Variants in ZIM2 observed in about 807,000 individuals in gnomAD.
The protein encoded by ZIM2 is zinc finger protein 656.
Under a neutral mutation model 38.6 loss-of-function variants are expected in ZIM2, and 14 were observed. That is an observed-to-expected ratio of 0.36 (90% CI 0.24 to 0.57). ZIM2 has a LOEUF of 0.57. Among genes scored for constraint, ZIM2 ranks in the 20% least tolerant of loss-of-function variants. The pLI, the probability that ZIM2 is intolerant of heterozygous loss-of-function variation, is 0.81. For missense variants in ZIM2, 680 were observed against 695.1 expected (o/e 0.98, Z 0.24); for synonymous variants, 247 against 245.8 (o/e 1.00, Z -0.04).
At position 56,797,506 on chromosome 19, in the gene ZIM2, A is replaced by G. The variant is rs531043737; in HGVS notation, c.491-7555T>C. On this transcript the variant is annotated intron_variant, in intron 9 of 12. Coordinates refer to ENST00000629319, the MANE Select transcript of ZIM2 (RefSeq NM_001387356.1). ...CTTTTATGTGTGTGTGTTCTTTTCT[A>G]TTTCTTTCTGTTTATTCCTGTTAGT... 3.2e-4 allele frequency among the ~76,000 whole-genome samples: 48 copies of G among 152,184 alleles called. No individual in the cohort carries two copies. In the South Asian group the frequency reaches 3.3e-3, roughly 11 times the overall value.
chr19:56,821,596 T>C (rs1184040555), intron 7 of ZIM2, 55 bp downstream of exon 7: 2 of 1,598,512 alleles, frequency 1.3e-6, no homozygotes, highest in Non-Finnish European at 1.7e-6. Context: ...AAGAAAGGCG[T>C]CTCTGCCATG....
intron 9 of ZIM2, chr19:56,810,518 G>A (rs2048058770): frequency 1.0e-6 from 1 of 983,798 alleles, no homozygotes; most frequent in Non-Finnish European, 1.2e-6. Flanking sequence ...TGGGTGTTGG[G>A]AATATGTGTG....
At chr19:56,795,052 TTTTC>T (rs1692927401) in intron 9 of ZIM2, among the ~76,000 whole-genome samples, 1 of 149,710 alleles carries the variant, frequency 6.7e-6, no homozygotes, top group Non-Finnish European at 1.5e-5. Context: ...CTTTTTTTTC[TTTTC>T]TTTTTTTTCT....
rs1198858401 is a variant in ZIM2, at chr19:56,827,633, T to C, written c.-226-1170A>G. On this transcript the variant is annotated intron_variant, in intron 2 of 12. Coordinates refer to ENST00000629319, the MANE Select transcript of ZIM2 (RefSeq NM_001387356.1). ...TATCCTCCTCTCCTACAAATTCTAC[T>C]TCTATGAATTTACCTCAGAGATATG... Among the ~76,000 whole-genome samples the C allele has an allele frequency of 4.6e-5, 7 of 152,228 alleles. No homozygotes were observed. The East Asian group carries it at 1.3e-3, about 29-fold the overall frequency.
chr19:56,828,473 A>T (rs1023963850), intron 2 of ZIM2, among the ~76,000 whole-genome samples: 5 of 152,236 alleles, frequency 3.3e-5, no homozygotes, highest in African/African-American at 1.2e-4. Context: ...AAGTGTGTTC[A>T]CAGAAGCACT....
intron 2 of ZIM2, among the ~76,000 whole-genome samples, chr19:56,831,869 C>T (rs1048775132): frequency 5.3e-5 from 8 of 152,162 alleles, no homozygotes; most frequent in Non-Finnish European, 1.0e-4. Flanking sequence ...TTCCCATTTA[C>T]GTGTACACAG....
rs762314514 is a variant in ZIM2, at chr19:56,774,771, T to C, written c.1594A>G (p.Lys532Glu). The change falls in exon 13 of 13, where the codon AAA becomes GAA. Residue 532 changes from lysine (K) to glutamate (E), a missense_variant. By Grantham distance (56) the Lys-to-Glu change is moderately conservative. Coordinates refer to ENST00000629319, the MANE Select transcript of ZIM2 (RefSeq NM_001387356.1). ...ERPYQCQLCG[K>E]CFGRPSYLTQ... ...AGGTATGAGGGTCGGCCGAAACATT[T>C]CCCACATAGCTGACACTGGTAAGGC... 6.2e-7 allele frequency: 1 copy of C among 1,614,184 alleles called. No individual in the cohort carries two copies. Among genetic ancestry groups the C allele is most frequent in the Admixed American group, 1.7e-5 (1 of 60,026 alleles).
intron 9 of ZIM2, chr19:56,810,193 G>A (rs892868123): frequency 2.0e-6 from 2 of 980,332 alleles, no homozygotes; most frequent in African/African-American, 3.5e-5. Flanking sequence ...AATATATCAA[G>A]ATGTTAACCA....
Position 56,813,224 on chromosome 19 carries a change from A to C in ZIM2, c.490+4522T>G, listed in dbSNP as rs192537262. On this transcript the variant is annotated intron_variant, in intron 9 of 12. Transcript: ENST00000629319. ...TCCAAAAAAAAAAAAAATTCAAAGA[A>C]TACCAGGTAAGGTACCTCTGCAGAG... is the stretch of plus-strand genomic sequence containing the variant. The C allele has an allele frequency of 1.3e-3, 1,314 of 980,852 alleles. 18 individuals carry two copies. The African/African-American group carries it at 0.021, about 16-fold the overall frequency. The allele number at this position is 980,852 out of a possible 1,614,324, so 60.8% of individuals were successfully genotyped here. A position where few individuals can be genotyped will look rare whatever the true frequency, so the allele number is the denominator to read the frequency against.
intron 9 of ZIM2, among the ~76,000 whole-genome samples, chr19:56,805,129 G>T (rs569047614): frequency 2.4e-4 from 37 of 152,266 alleles, no homozygotes; most frequent in Middle Eastern, 3.4e-3. Flanking sequence ...TCTGTGTCCT[G>T]GGGGTGGGGA....
At chr19:56,816,233 T>C (rs767795648) in intron 9 of ZIM2, 2 of 1,614,172 alleles carry the variant, frequency 1.2e-6, no homozygotes, top group Non-Finnish European at 1.7e-6. Flanking sequence ...GGTCTTGTTA[T>C]AGTATGACTC....
At chr19:56,806,384 G>A (rs2047757011) in intron 9 of ZIM2, among the ~76,000 whole-genome samples, 1 of 152,154 alleles carries the variant, frequency 6.6e-6, no homozygotes, top group Admixed American at 6.5e-5. Context: ...GGTTGCTCCA[G>A]TTCCTACCAT....
At chr19:56,810,187 TATC>T (rs1353431041) in intron 9 of ZIM2, 1 of 980,012 alleles carries the variant, frequency 1.0e-6, no homozygotes, top group Non-Finnish European at 1.2e-6. Context: ...GAAGAAAATA[TATC>T]AAGATGTTAA....
In ZIM2 at chr19:56,775,485, C is replaced by G; in HGVS notation, c.880G>C (p.Glu294Gln). Residue 294 changes from glutamate (E) to glutamine (Q), a missense_variant, in exon 13 of 13, where the codon GAG (glutamate) becomes CAG (glutamine). Physicochemically the swap from Glu to Gln is conservative, Grantham distance 29. Coordinates refer to ENST00000629319, the MANE Select transcript of ZIM2 (RefSeq NM_001387356.1). ...DPLEPHQGNQ[E>Q]KLLTPITMND... ...ATTGTTATAGGAGTCAAAAGTTTCT[C>G]TTGGTTGCCCTGGTGTGGTTCCAAT... The G allele has an allele frequency of 6.2e-7, 1 of 1,613,758 alleles. No individual in the cohort carries two copies. The highest frequency in any genetic ancestry group is 1.3e-5 in the African/African-American group (1 of 74,938).
chr19:56,839,430 T>C (rs766431142), intron 1 of ZIM2, among the ~76,000 whole-genome samples: 11 of 150,778 alleles, frequency 7.3e-5, no homozygotes, highest in Non-Finnish European at 1.3e-4. Context: ...GGGCAGGGCC[T>C]GAACAGATCG....
chr19:56,797,159 T>G (rs1039280955), intron 9 of ZIM2, among the ~76,000 whole-genome samples: 1 of 151,962 alleles, frequency 6.6e-6, no homozygotes, highest in Non-Finnish European at 1.5e-5. Flanking sequence ...TAAAAATATT[T>G]TTAAAAAATA....
intron 12 of ZIM2, among the ~76,000 whole-genome samples, chr19:56,777,511 G>A (rs1445994314): frequency 3.9e-5 from 6 of 152,078 alleles, no homozygotes; most frequent in African/African-American, 9.7e-5. Flanking sequence ...CTTAAAGCCC[G>A]TTCTCCATAG....
intron 9 of ZIM2, chr19:56,810,951 T>G: frequency 1.0e-6 from 1 of 970,874 alleles, no homozygotes; most frequent in Non-Finnish European, 1.2e-6. Flanking sequence ...AAAATTAAAG[T>G]GAAAGTATTT....
chr19:56,812,869 C>G, intron 9 of ZIM2: 1 of 983,140 alleles, frequency 1.0e-6, no homozygotes, highest in Non-Finnish European at 1.2e-6. Context: ...TGCATGAGAA[C>G]CACTTCAACA....
Sources: allele counts gnomAD v4.1 joint callset (sites outside exome capture counted in the v4.1 genomes callset), GRCh38; gene constraint gnomAD v4.1.1; transcripts MANE v1.5; gene names NCBI Gene and HGNC (gene_info 2026-07-23, HGNC 2026-07-21).